Variants in NADK2 observed in about 807,000 individuals in gnomAD.
The protein encoded by NADK2 is NAD kinase 2, mitochondrial.
In NADK2, 35 loss-of-function variants were observed where a neutral mutation model predicts 62.1. The ratio of observed to expected loss-of-function variants is 0.56; its 90% confidence interval spans 0.43 to 0.75. The LOEUF is 0.75. Among genes scored for constraint, NADK2 ranks in the 30% least tolerant of loss-of-function variants. The probability of loss-of-function intolerance (pLI) is 0.00; values close to 1 mark genes in which losing one functional copy is unlikely to be tolerated. For synonymous variants in NADK2, 205 were observed against 207.9 expected, an observed-to-expected ratio of 0.99 and a Z score of 0.12; for missense variants, 439 against 561.3, an observed-to-expected ratio of 0.78 and a Z score of 2.20.
intron 11 of NADK2, among the ~76,000 whole-genome samples, chr5:36,196,804 TAATCA>T (rs1389571368): frequency 6.6e-6 from 1 of 152,118 alleles, no homozygotes; most frequent in Non-Finnish European, 1.5e-5. Context: ...ATCTGTGGAT[TAATCA>T]AATTAACTCT....
intron 5 of NADK2, 151 bp from the exon 6 acceptor site, chr5:36,218,035 G>A (rs1747113582): frequency 1.6e-6 from 1 of 609,942 alleles, no homozygotes; most frequent in Non-Finnish European, 2.7e-6. Context: ...AAAGCCTATA[G>A]CTTCCTTATC....
chr5:36,227,493 T>C lies in NADK2; in HGVS notation c.373A>G (p.Ile125Val). Residue 125 changes from isoleucine (I) to valine (V), a missense_variant, in exon 2 of 12, where the codon ATT becomes GTT. Physicochemically the swap from Ile to Val is conservative, Grantham distance 29. Coordinates refer to ENST00000381937, the MANE Select transcript of NADK2 (RefSeq NM_001085411.3). ...HHIHTKNVEH[I>V]IDSLRNEGIE... ...TAGACTTACCGTAAACTATCTATAA[T>C]ATGTTCTACATTTTTGGTGTGAATA... is the stretch of plus-strand genomic sequence containing the variant. The C allele has an allele frequency of 3.3e-6, 5 of 1,535,352 alleles. No individual in the cohort carries two copies. In the South Asian group the frequency reaches 3.8e-5, roughly 12 times the overall value.
At chr5:36,215,876 T>C (rs1194410388) in intron 6 of NADK2, among the ~76,000 whole-genome samples, 1 of 152,190 alleles carries the variant, frequency 6.6e-6, no homozygotes, top group African/African-American at 2.4e-5. Context: ...TACTTGGCTA[T>C]TGTGAATAGG....
intron 8 of NADK2, among the ~76,000 whole-genome samples, chr5:36,206,407 C>T (rs578240622): frequency 6.6e-6 from 1 of 150,934 alleles, no homozygotes. Flanking sequence ...AAGGTGCAGG[C>T]TTGGACCAAA....
intron 1 of NADK2, among the ~76,000 whole-genome samples, chr5:36,228,622 ATT>A (rs35220802): frequency 1.8e-3 from 254 of 141,812 alleles, no homozygotes; most frequent in Non-Finnish European, 1.8e-3. Flanking sequence ...TCTAGACATG[ATT>A]TTTTTTTTTT....
In NADK2 at chr5:36,227,525, C is replaced by T; in HGVS notation, c.341G>A (p.Arg114Gln). The change falls in exon 2 of 12, where the codon CGA becomes CAA. Residue 114 changes from arginine to glutamine, a missense_variant. Arg to Gln is a conservative substitution (Grantham distance 43, BLOSUM62 1). Transcript: ENST00000381937. Reference sequence around the variant, plus strand: ...TACATTTTTGGTGTGAATATGATGTCGTTCAAGAAGTCCACTGTAACTAGA... The same window carrying T: ...TACATTTTTGGTGTGAATATGATGTTGTTCAAGAAGTCCACTGTAACTAGA... ...KGSSYSGLLE[R>Q]HHIHTKNVEH... is the part of the protein sequence containing the mutation. The T allele has an allele frequency of 1.3e-6, 2 of 1,557,966 alleles. No individual in the cohort carries two copies. The highest frequency in any genetic ancestry group is 2.4e-5 in the East Asian group (1 of 42,254).
chr5:36,217,987 A>G lies in NADK2; in HGVS notation c.645-103T>C, dbSNP rs144185793. On this transcript the variant is annotated intron_variant, in intron 5 of 11. Transcript: ENST00000381937. ...ATTAAATAGTTAATAAAAACTAGTT[A>G]CCAGTTATTCCATGAATAAATTATA... is the stretch of plus-strand genomic sequence containing the variant. 407 of 1,037,778 alleles carry G rather than the reference A, an allele frequency of 3.9e-4. No individual in the cohort carries two copies. The East Asian group carries it at 7.1e-3, about 18-fold the overall frequency. The allele number at this position is 1,037,778 out of a possible 1,614,324, so 64.3% of individuals were successfully genotyped here. A position where few individuals can be genotyped will look rare whatever the true frequency, so the allele number is the denominator to read the frequency against.
rs2112033900 is a variant in NADK2 at position 36,193,233 on chromosome 5, C to T, written c.*1911G>A. 1 of 152,060 alleles carries T rather than the reference C, an allele frequency of 6.6e-6. No individual in the cohort carries two copies. Among genetic ancestry groups the T allele is most frequent in the African/African-American group, 2.4e-5 (1 of 41,470 alleles). The allele number at this position is 152,060 out of a possible 1,614,324, so 9.4% of individuals were successfully genotyped here. A position where few individuals can be genotyped will look rare whatever the true frequency, so the allele number is the denominator to read the frequency against. On this transcript the variant is annotated 3_prime_UTR_variant, in exon 12 of 12. Transcript: ENST00000381937. ...GTGGCTCATGCCTGTAATCCCAATA[C>T]TGGGAGGCCGAGGCAGGCAGATCAC...
intron 1 of NADK2, among the ~76,000 whole-genome samples, chr5:36,229,712 T>G (rs942060679): frequency 6.6e-6 from 1 of 151,370 alleles, no homozygotes; most frequent in African/African-American, 2.4e-5. Context: ...TCAAATACAT[T>G]TATTCAACTG....
chr5:36,195,278 A>C lies in NADK2; in HGVS notation c.1195T>G (p.Cys399Gly). Residue 399 changes from cysteine to glycine, a missense_variant, in exon 12 of 12, where the codon TGT (cysteine) becomes GGT (glycine). Cys to Gly is a radical substitution (Grantham distance 159). Transcript: ENST00000381937. ...SRQRCFSSKV[C>G]VRSRCWDACM... ...GCATCCCAACAACGAGAACGAACAC[A>C]AACCCTAGGCAGAAGGAAATATCTC... is the stretch of plus-strand genomic sequence containing the variant. 1 of 1,609,336 alleles carries C rather than the reference A, an allele frequency of 6.2e-7. No individual in the cohort carries two copies. Among genetic ancestry groups the C allele is most frequent in the Non-Finnish European group, 8.5e-7 (1 of 1,178,328 alleles).
chr5:36,200,248 T>C lies in NADK2; in HGVS notation c.1045A>G (p.Asn349Asp), dbSNP rs764165160. The change falls in exon 10 of 12, where the codon AAC (asparagine) becomes GAC (aspartate). Residue 349 changes from asparagine to aspartate, a missense_variant. By Grantham distance (23) the Asn-to-Asp change is conservative. Transcript: ENST00000381937. Reference sequence around the variant, plus strand: ...TGACCTTTCTCTACCAATTCTCTGTTCAATGGAAGACTCAAATTTCCTTGT... The same window carrying C: ...TGACCTTTCTCTACCAATTCTCTGTCCAATGGAAGACTCAAATTTCCTTGT... Reference protein sequence around the residue: ...KRQGNLSLPLNRELVEKVTNE... With the variant: ...KRQGNLSLPLDRELVEKVTNE... 1 of 1,585,346 alleles carries C rather than the reference T, an allele frequency of 6.3e-7. No homozygotes were observed. Among genetic ancestry groups the C allele is most frequent in the East Asian group, 2.3e-5 (1 of 43,416 alleles).
Position 36,211,868 on chromosome 5 carries a change from A to T in NADK2, c.836T>A (p.Phe279Tyr). 1 of 1,613,580 alleles carries T rather than the reference A, an allele frequency of 6.2e-7. No homozygotes were observed. The highest frequency in any genetic ancestry group is 8.5e-7 in the Non-Finnish European group (1 of 1,179,684). Reference protein sequence around the residue: ...LLPVRALNEVFIGESLSSRAS... With the variant: ...LLPVRALNEVYIGESLSSRAS... ...CCTGGATGACAGACTCTCCCCAATGAAGACTTCATTTAGTGCTCTCACTGG... is the reference window on the plus strand; with the variant it reads ...CCTGGATGACAGACTCTCCCCAATGTAGACTTCATTTAGTGCTCTCACTGG... Residue 279 changes from phenylalanine to tyrosine, a missense_variant, in exon 7 of 12, where the codon TTC becomes TAC. By Grantham distance (22) the Phe-to-Tyr change is conservative. Transcript: ENST00000381937.
At chr5:36,229,115 G>A (rs966352349) in intron 1 of NADK2, among the ~76,000 whole-genome samples, 3 of 152,120 alleles carry the variant, frequency 2.0e-5, no homozygotes, top group Non-Finnish European at 4.4e-5. Flanking sequence ...AATCATTAGT[G>A]TTAATATTTT....
intron 7 of NADK2, chr5:36,208,591 G>A (rs902317555): frequency 3.5e-6 from 5 of 1,435,116 alleles, no homozygotes; most frequent in Non-Finnish European, 3.7e-6. Context: ...TTGTTTCAGG[G>A]AAATTATTTT....
intron 10 of NADK2, 38 bp from the exon 11 acceptor site, chr5:36,197,702 T>C (rs771554084): frequency 4.0e-6 from 6 of 1,495,992 alleles, no homozygotes; most frequent in Admixed American, 2.4e-5. Context: ...CAATAAAAGA[T>C]GGTCACTTCT....
intron 1 of NADK2, among the ~76,000 whole-genome samples, chr5:36,237,339 T>TA (rs79875049): frequency 1.3e-3 from 197 of 150,238 alleles, no homozygotes; most frequent in African/African-American, 4.0e-3. Context: ...GCTGTTAGGC[T>TA]AAAAAAAAAG....
chr5:36,232,529 C>G (rs1465866050), intron 1 of NADK2, among the ~76,000 whole-genome samples: 1 of 152,158 alleles, frequency 6.6e-6, no homozygotes, highest in Non-Finnish European at 1.5e-5. Context: ...CTAATCAACA[C>G]CTAGATACTC....
chr5:36,196,028 C>T (rs1579591443), intron 11 of NADK2, among the ~76,000 whole-genome samples: 1 of 152,268 alleles, frequency 6.6e-6, no homozygotes, highest in Non-Finnish European at 1.5e-5. Context: ...TATATGAAAA[C>T]ACCAAAATTT....
chr5:36,211,942 A>C lies in NADK2; in HGVS notation c.782-20T>G. On this transcript the variant is annotated intron_variant, in intron 6 of 11. Transcript: ENST00000381937. ...CAGACCCTGCATGTAATTTAAGACA[A>C]AGAAAATCCAAGATAGCTCCTTGAT... 1 of 1,550,090 alleles carries C rather than the reference A, an allele frequency of 6.5e-7. No homozygotes were observed. The highest frequency in any genetic ancestry group is 8.9e-7 in the Non-Finnish European group (1 of 1,129,750).
Sources: gnomAD v4.1 joint callset for allele counts (sites outside exome capture counted in the v4.1 genomes callset) on GRCh38, gnomAD v4.1.1 for gene constraint, MANE v1.5 for transcripts, NCBI Gene and HGNC (gene_info 2026-07-23, HGNC 2026-07-21) for gene names.